Variants in ATAD3A observed in about 807,000 individuals in gnomAD.
The protein encoded by ATAD3A is ATPase family AAA domain-containing protein 3A.
A neutral mutation model predicts 73.8 loss-of-function variants in ATAD3A; 46 were observed. The ratio of observed to expected loss-of-function variants is 0.62; its 90% CI spans 0.49 to 0.80. The LOEUF is 0.80. Among genes scored for constraint, ATAD3A ranks in the 30% least tolerant of loss-of-function variants. ATAD3A has a pLI of 0.00. For missense variants in ATAD3A, 705 were observed against 838.0 expected (o/e 0.84, Z 1.96); for synonymous variants, 319 against 350.0 (o/e 0.91, Z 0.99).
chr1:1,527,880 C>T lies in ATAD3A; in HGVS notation c.1505+18C>T, dbSNP rs768660175. On this transcript the variant is annotated intron_variant, in intron 14 of 15. Coordinates refer to ENST00000378756, the MANE Select transcript of ATAD3A (RefSeq NM_001170535.3). ...GGAAAGCAGTAAGTGTCCCGCCCCACCAGCCCCCGTCCAGGGGCCCTCGCT... is the reference window on the plus strand; with the variant it reads ...GGAAAGCAGTAAGTGTCCCGCCCCATCAGCCCCCGTCCAGGGGCCCTCGCT... The T allele has an allele frequency of 1.2e-6, 2 of 1,607,014 alleles. No individual in the cohort carries two copies. Among genetic ancestry groups the T allele is most frequent in the East Asian group, 2.2e-5 (1 of 44,780 alleles).
In ATAD3A at chr1:1,523,603, G is replaced by T; in HGVS notation, c.963+36G>T. On this transcript the variant is annotated intron_variant, in intron 9 of 15. Coordinates refer to ENST00000378756, the MANE Select transcript of ATAD3A (RefSeq NM_001170535.3). This position sits in a 1 kb window ranked among gnomAD's most constrained non-coding sequence, Gnocchi z 5.1. ...GTGCCTGGGACCGGGGAGGCGCAGG[G>T]AGGGGACCCTGGAGCTGGGCCGGGC... 6.2e-7 allele frequency: 1 copy of T among 1,612,042 alleles called. No individual in the cohort carries two copies.
intron 14 of ATAD3A, 66 bp from the exon 15 acceptor site, chr1:1,529,157 C>G: frequency 3.2e-6 from 5 of 1,584,738 alleles, no homozygotes; most frequent in Non-Finnish European, 3.4e-6. Context: ...TGCCTGTCTT[C>G]CGGCCTCCAC....
chr1:1,512,166 G>A lies in ATAD3A; in HGVS notation c.-103G>A. On this transcript the variant is annotated 5_prime_UTR_variant, in exon 1 of 16. Coordinates refer to ENST00000378756, the MANE Select transcript of ATAD3A (RefSeq NM_001170535.3). ...GGGTGTGTGTGGCGCCTGCGCAGTG[G>A]CGGTGACCACCGGCTCGCGGCGCGT... The A allele has an allele frequency of 8.2e-7, 1 of 1,216,882 alleles. No homozygotes were observed. Among genetic ancestry groups the A allele is most frequent in the Non-Finnish European group, 1.0e-6 (1 of 974,686 alleles). The allele number at this position is 1,216,882 out of a possible 1,614,324, so 75.4% of individuals were successfully genotyped here.
chr1:1,525,889 G>T (rs555589573), intron 12 of ATAD3A, among the ~76,000 whole-genome samples: 1 of 152,246 alleles, frequency 6.6e-6, no homozygotes, highest in South Asian at 2.1e-4. Context: ...TGTAATTTTA[G>T]TAGAGATGGA....
intron 2 of ATAD3A, 134 bp downstream of exon 2, chr1:1,516,222 G>A: frequency 3.6e-6 from 5 of 1,388,732 alleles, no homozygotes; most frequent in Non-Finnish European, 5.0e-6. Flanking sequence ...GCCAAGCTTG[G>A]GCGCCTCATT....
intron 15 of ATAD3A, among the ~76,000 whole-genome samples, chr1:1,532,277 T>G (rs866352341): frequency 6.6e-6 from 1 of 152,166 alleles, no homozygotes. Flanking sequence ...TGTCTGGCTT[T>G]GATATGAGGG....
chr1:1,522,869 G>A lies in ATAD3A; in HGVS notation c.876G>A (p.Thr292=), dbSNP rs139221376. 2.5e-4 allele frequency: 396 copies of A among 1,609,484 alleles called. 10 individuals carry two copies. The African/African-American group carries it at 4.8e-3, about 19-fold the overall frequency. ...PSLVRETSRI[T]VLEALRHPIQ... ...TAGTGAGGGAGACGTCCCGCATCAC[G>A]GTGCTTGAGGCGCTGCGGCACCCCA... Residue 292 remains threonine (T), a synonymous_variant, in exon 8 of 16, where the codon ACG becomes ACA. Coordinates refer to ENST00000378756, the MANE Select transcript of ATAD3A (RefSeq NM_001170535.3).
intron 13 of ATAD3A, 43 bp from the exon 14 acceptor site, chr1:1,527,652 G>A (rs767108832): frequency 7.0e-6 from 11 of 1,574,504 alleles, no homozygotes; most frequent in South Asian, 3.5e-5. Flanking sequence ...GGTGCAGCTC[G>A]GCCGGCAGCC....
intron 3 of ATAD3A, 85 bp downstream of exon 3, chr1:1,517,497 G>A: frequency 1.7e-6 from 2 of 1,149,352 alleles, no homozygotes; most frequent in Non-Finnish European, 2.4e-6. Context: ...GTGGTCCCGG[G>A]GCACTCTGGA....
chr1:1,521,813 C>T (rs1641611129), intron 7 of ATAD3A, among the ~76,000 whole-genome samples: 1 of 152,226 alleles, frequency 6.6e-6, no homozygotes. Context: ...AGTTCTCCTG[C>T]CTCAGCCTCC....
chr1:1,529,685 G>A (rs1557478658), intron 15 of ATAD3A, among the ~76,000 whole-genome samples: 2 of 152,344 alleles, frequency 1.3e-5, no homozygotes, highest in East Asian at 3.9e-4. Context: ...GTTAGGACAG[G>A]CCCCATGTGA....
intron 14 of ATAD3A, 120 bp downstream of exon 14, chr1:1,527,982 A>G (rs1641910091): frequency 1.3e-5 from 15 of 1,172,828 alleles, no homozygotes; most frequent in Non-Finnish European, 1.7e-5. Flanking sequence ...TTTTTGAGAC[A>G]AAGTCTCATT....
At chr1:1,514,782 G>A (rs1641302447) in intron 1 of ATAD3A, among the ~76,000 whole-genome samples, 1 of 152,240 alleles carries the variant, frequency 6.6e-6, no homozygotes, top group South Asian at 2.1e-4. Flanking sequence ...GAGACGGGCT[G>A]CGGGAGGAAG....
At chr1:1,531,232 A>G (rs1164880969) in intron 15 of ATAD3A, among the ~76,000 whole-genome samples, 3 of 152,288 alleles carry the variant, frequency 2.0e-5, no homozygotes, top group Non-Finnish European at 2.9e-5. Flanking sequence ...AGGCGGGCAG[A>G]TCACGAGGTC....
chr1:1,512,263 G>C lies in ATAD3A; in HGVS notation c.-6G>C, dbSNP rs769431090. The C allele has an allele frequency of 1.2e-5, 15 of 1,273,710 alleles. No homozygotes were observed. In the African/African-American group the frequency reaches 2.3e-4, roughly 20 times the overall value. The allele number at this position is 1,273,710 out of a possible 1,614,324, so 78.9% of individuals were successfully genotyped here. ...CGGCGGCGGTAGCGGCGGCGGCGGT[G>C]CGAGCATGTCGTGGCTCTTCGGCAT... On this transcript the variant is annotated 5_prime_UTR_variant, in exon 1 of 16. Transcript: ENST00000378756.
intron 12 of ATAD3A, among the ~76,000 whole-genome samples, chr1:1,525,680 C>A (rs1641794898): frequency 6.6e-6 from 1 of 152,128 alleles, no homozygotes. Flanking sequence ...TCCCAAAGTG[C>A]TGGGATTACA....
chr1:1,525,947 A>C (rs1423478596), intron 12 of ATAD3A, among the ~76,000 whole-genome samples: 2 of 151,572 alleles, frequency 1.3e-5, no homozygotes, highest in Non-Finnish European at 2.9e-5. Context: ...AGCTAAAGAG[A>C]TTTGCCTCCC....
Position 1,523,505 on chromosome 1 carries a change from C to T in ATAD3A, c.907-6C>T, listed in dbSNP as rs372490360. The T allele has an allele frequency of 1.2e-4, 186 of 1,611,744 alleles. 1 individual carries two copies. Among genetic ancestry groups the T allele is most frequent in the African/African-American group, 8.0e-4 (60 of 74,942 alleles). On this transcript the variant is annotated splice_region_variant and splice_polypyrimidine_tract_variant and intron_variant, in intron 8 of 15. Transcript: ENST00000378756. The surrounding 1 kb of genome is among the most constrained non-coding windows in gnomAD (Gnocchi z 5.1). Reference sequence around the variant, plus strand: ...CCCGATGGCGCTTCCCCTTCCCCTCCGGCAGGTCAGCCGGCGGCTCCTCAG... The same window carrying T: ...CCCGATGGCGCTTCCCCTTCCCCTCTGGCAGGTCAGCCGGCGGCTCCTCAG...
At chr1:1,527,319 C>G (rs1570350953) in intron 13 of ATAD3A, 1 of 1,123,764 alleles carries the variant, frequency 8.9e-7, no homozygotes, top group East Asian at 6.3e-5. Context: ...CCTGCTGAGC[C>G]TCCAGTGAAC....
Sources: allele counts gnomAD v4.1 joint callset (sites outside exome capture counted in the v4.1 genomes callset), GRCh38; gene constraint gnomAD v4.1.1; non-coding constraint Gnocchi (gnomAD v3.1); transcripts MANE v1.5; gene names NCBI Gene and HGNC (gene_info 2026-07-23, HGNC 2026-07-21).